Variants in TENM2 observed in about 807,000 individuals in gnomAD.
TENM2 encodes teneurin-2.
TENM2 carries 52 observed loss-of-function variants against 245.2 expected under a neutral mutation model. The observed-to-expected ratio is 0.21, with a 90% CI of 0.17 to 0.27. The LOEUF (loss-of-function observed/expected upper bound fraction) is 0.27. Ranked by LOEUF, TENM2 falls within the 10% of genes least tolerant of loss-of-function variation. TENM2 has a pLI of 1.00. For synonymous variants in TENM2, 1,363 were observed against 1,438.9 expected (o/e 0.95, Z 1.19); for missense variants, 3,046 against 3,666.8 (o/e 0.83, Z 4.37).
At chr5:167,474,217 C>T (rs1467960532) in intron 2 of TENM2, among the ~76,000 whole-genome samples, 2 of 152,100 alleles carry the variant, frequency 1.3e-5, no homozygotes, top group East Asian at 3.9e-4. Context: ...TATAGTTATA[C>T]AAGATTTTAA....
the TENM2 span, among the ~76,000 whole-genome samples, chr5:167,055,257 CCAGTTGTT>C: frequency 6.6e-6 from 1 of 152,006 alleles, no homozygotes; most frequent in African/African-American, 2.4e-5. Context: ...ATGTGGATGT[CCAGTTGTT>C]CTAGCCTAAT....
chr5:167,205,591 C>T, the TENM2 span, among the ~76,000 whole-genome samples: 1 of 152,098 alleles, frequency 6.6e-6, no homozygotes, highest in African/African-American at 2.4e-5. Context: ...TTCCTCTCAA[C>T]CTCTTATCTA....
chr5:167,114,350 C>T, the TENM2 span, among the ~76,000 whole-genome samples: 11 of 152,222 alleles, frequency 7.2e-5, no homozygotes, highest in African/African-American at 2.4e-4. Context: ...TGGATCTAAC[C>T]AGATTTTAAT....
chr5:167,593,214 C>T (rs1212130010), intron 2 of TENM2, among the ~76,000 whole-genome samples: 1 of 152,172 alleles, frequency 6.6e-6, no homozygotes, highest in African/African-American at 2.4e-5. Context: ...TATTGGCTCT[C>T]CCTTCACTTT....
At chr5:167,004,740 G>T in the TENM2 span, among the ~76,000 whole-genome samples, 1 of 152,182 alleles carries the variant, frequency 6.6e-6, no homozygotes, top group Non-Finnish European at 1.5e-5. Flanking sequence ...CTTGCAGCGT[G>T]TGTGCGTTTT....
At chr5:167,312,497 G>A (rs1278180146) in intron 1 of TENM2, among the ~76,000 whole-genome samples, 1 of 152,140 alleles carries the variant, frequency 6.6e-6, no homozygotes, top group African/African-American at 2.4e-5. Flanking sequence ...GACACAGACA[G>A]GACTTCCTTT....
At chr5:167,913,209 A>G (rs926548820) in intron 3 of TENM2, among the ~76,000 whole-genome samples, 4 of 152,164 alleles carry the variant, frequency 2.6e-5, no homozygotes, top group African/African-American at 9.7e-5. Flanking sequence ...CTCCTAGTAC[A>G]ACCTGGAGTT....
chr5:168,224,734 G>A (rs563986899), intron 23 of TENM2, among the ~76,000 whole-genome samples: 2 of 152,254 alleles, frequency 1.3e-5, no homozygotes, highest in South Asian at 4.1e-4. Context: ...ACCCGCAGGA[G>A]TTGAGCCACT....
the TENM2 span, among the ~76,000 whole-genome samples, chr5:167,252,147 A>G: frequency 6.6e-6 from 1 of 152,096 alleles, no homozygotes. Flanking sequence ...CTGAAACCCA[A>G]AAGAGAAGAG....
At chr5:167,169,869 G>T in the TENM2 span, among the ~76,000 whole-genome samples, 2 of 152,152 alleles carry the variant, frequency 1.3e-5, no homozygotes, top group Non-Finnish European at 2.9e-5. Context: ...CTGTAAAAGG[G>T]TAGTCTTGTC....
At chr5:167,990,361 G>A (rs151170065) in intron 4 of TENM2, among the ~76,000 whole-genome samples, 88 of 152,274 alleles carry the variant, frequency 5.8e-4, no homozygotes, top group African/African-American at 1.3e-3. Context: ...CTACTCACAT[G>A]GGCTGACACT....
At chr5:167,580,721 G>A (rs931868531) in intron 2 of TENM2, among the ~76,000 whole-genome samples, 4 of 152,258 alleles carry the variant, frequency 2.6e-5, no homozygotes, top group African/African-American at 9.6e-5. Context: ...TGGGCTCAGT[G>A]GCTCATGCCT....
intron 2 of TENM2, among the ~76,000 whole-genome samples, chr5:167,499,841 G>GGT (rs1436732345): frequency 7.7e-5 from 9 of 116,674 alleles, no homozygotes; most frequent in Non-Finnish European, 1.2e-4. Context: ...TGTATGTGAG[G>GGT]GTGTATGTGT....
chr5:167,218,663 A>G, the TENM2 span, among the ~76,000 whole-genome samples: 1 of 152,332 alleles, frequency 6.6e-6, no homozygotes, highest in African/African-American at 2.4e-5. Flanking sequence ...AAGACACACA[A>G]GAAAAGAAAA....
At chr5:167,375,680 T>C (rs983844472) in intron 2 of TENM2, among the ~76,000 whole-genome samples, 3 of 152,194 alleles carry the variant, frequency 2.0e-5, no homozygotes, top group Admixed American at 1.3e-4. Context: ...AATCACATTC[T>C]GATGATAACA....
At chr5:167,423,831 C>CT (rs1164871855) in intron 2 of TENM2, among the ~76,000 whole-genome samples, 1 of 152,146 alleles carries the variant, frequency 6.6e-6, no homozygotes, top group Non-Finnish European at 1.5e-5. Context: ...TCATGGGTAG[C>CT]TATTCTATGA....
chr5:167,158,961 CT>C, the TENM2 span, among the ~76,000 whole-genome samples: 138 of 114,332 alleles, frequency 1.2e-3, no homozygotes, highest in Non-Finnish European at 1.7e-3. Flanking sequence ...TTCTTTCTTT[CT>C]TTTTTTTTTT....
At chr5:167,295,324 A>C (rs1431197201) in intron 1 of TENM2, among the ~76,000 whole-genome samples, 2 of 152,222 alleles carry the variant, frequency 1.3e-5, no homozygotes, top group Non-Finnish European at 2.9e-5. Flanking sequence ...TTGCACTAAC[A>C]GTTCCTTTTT....
At chr5:168,228,631 T>G (rs1390130527) in intron 25 of TENM2, among the ~76,000 whole-genome samples, 3 of 152,186 alleles carry the variant, frequency 2.0e-5, no homozygotes, top group African/African-American at 7.2e-5. Flanking sequence ...TGATAAAATA[T>G]GCAGACACAG....
Sources: gnomAD v4.1 joint callset for allele counts (sites outside exome capture counted in the v4.1 genomes callset) on GRCh38, gnomAD v4.1.1 for gene constraint, MANE v1.5 for transcripts, NCBI Gene and HGNC (gene_info 2026-07-23, HGNC 2026-07-21) for gene names.